The following PRKG1 variants were observed in gnomAD, a reference collection of about 807,000 sequenced individuals.
The protein encoded by PRKG1 is cGMP-dependent protein kinase 1.
A neutral mutation model predicts 88.1 loss-of-function variants in PRKG1; 35 were observed. The ratio of observed to expected loss-of-function variants is 0.40; its 90% CI spans 0.30 to 0.53. The LOEUF is 0.53. PRKG1 is among the 20% of genes least tolerant of loss of function. The pLI is 0.59. For missense variants in PRKG1, 540 were observed against 839.8 expected (o/e 0.64, Z 4.41); for synonymous variants, 303 against 292.5 (o/e 1.04, Z -0.37).
At chr10:51,059,358 G>A (rs1443368817) in intron 1 of PRKG1, among the ~76,000 whole-genome samples, 1 of 151,878 alleles carries the variant, frequency 6.6e-6, no homozygotes, top group Non-Finnish European at 1.5e-5. Flanking sequence ...TAACAGATAA[G>A]TACTGTCTAC....
intron 5 of PRKG1, among the ~76,000 whole-genome samples, chr10:52,029,215 C>T (rs576820989): frequency 6.6e-6 from 1 of 152,186 alleles, no homozygotes; most frequent in Non-Finnish European, 1.5e-5. Flanking sequence ...AAAAGTCATT[C>T]CATTCTTTGA....
chr10:51,356,333 A>G (rs1391123665), intron 2 of PRKG1, among the ~76,000 whole-genome samples: 8 of 151,992 alleles, frequency 5.3e-5, no homozygotes, highest in Admixed American at 5.3e-4. Flanking sequence ...TATGTAGCCC[A>G]TGCTCAGGGA....
chr10:51,705,074 G>A (rs932367864), intron 3 of PRKG1, among the ~76,000 whole-genome samples: 1 of 151,880 alleles, frequency 6.6e-6, no homozygotes, highest in Non-Finnish European at 1.5e-5. Flanking sequence ...TGGCTAAATT[G>A]TACCACTCAC....
At chr10:51,703,839 T>C (rs1841533451) in intron 3 of PRKG1, among the ~76,000 whole-genome samples, 1 of 152,110 alleles carries the variant, frequency 6.6e-6, no homozygotes, top group Non-Finnish European at 1.5e-5. Context: ...CACTACATTA[T>C]AAGATTGCAA....
chr10:51,921,342 G>A (rs1478375993), intron 5 of PRKG1, among the ~76,000 whole-genome samples: 2 of 152,078 alleles, frequency 1.3e-5, no homozygotes, highest in African/African-American at 2.4e-5. Flanking sequence ...ACAATAACAA[G>A]CATGTAATTT....
chr10:51,222,126 C>A (rs1300293407), intron 2 of PRKG1, among the ~76,000 whole-genome samples: 5 of 119,002 alleles, frequency 4.2e-5, no homozygotes, highest in African/African-American at 2.1e-4. Flanking sequence ...ATCCGCGCCC[C>A]CCCCCGACCC....
At chr10:51,576,747 T>C (rs1837898279) in intron 3 of PRKG1, among the ~76,000 whole-genome samples, 1 of 151,788 alleles carries the variant, frequency 6.6e-6, no homozygotes, top group Non-Finnish European at 1.5e-5. Flanking sequence ...TTTTAAACTT[T>C]GCTAACTGTA....
At chr10:51,797,062 A>G (rs112884641) in intron 3 of PRKG1, among the ~76,000 whole-genome samples, 54 of 152,084 alleles carry the variant, frequency 3.6e-4, no homozygotes, top group African/African-American at 1.2e-3. Flanking sequence ...ATGGAGTAAA[A>G]CAAGCTTTTA....
chr10:52,057,897 C>T (rs1046113569), intron 6 of PRKG1, among the ~76,000 whole-genome samples: 1 of 151,168 alleles, frequency 6.6e-6, no homozygotes, highest in South Asian at 2.1e-4. Context: ...TTTTTAATAT[C>T]AAGAACAAGA....
intron 3 of PRKG1, among the ~76,000 whole-genome samples, chr10:51,627,903 C>T (rs1839380877): frequency 7.0e-6 from 1 of 141,998 alleles, no homozygotes; most frequent in Admixed American, 7.0e-5. Flanking sequence ...CCCTTCCTTC[C>T]CTTCCTTCCC....
At chr10:51,475,852 C>G (rs534029892) in intron 3 of PRKG1, among the ~76,000 whole-genome samples, 2 of 152,014 alleles carry the variant, frequency 1.3e-5, no homozygotes, top group East Asian at 1.9e-4. Context: ...AAAAACAGAA[C>G]AAAGAAAAAA....
intron 8 of PRKG1, among the ~76,000 whole-genome samples, chr10:52,156,490 A>T (rs1364702955): frequency 1.3e-5 from 2 of 151,662 alleles, no homozygotes; most frequent in African/African-American, 4.8e-5. Flanking sequence ...CATATGTGTG[A>T]GTTTGGTTGA....
chr10:52,032,231 T>C (rs1393520783), intron 5 of PRKG1, among the ~76,000 whole-genome samples: 5 of 152,080 alleles, frequency 3.3e-5, no homozygotes, highest in Admixed American at 1.3e-4. Flanking sequence ...TAACCTGTTC[T>C]TTTTTTTCTT....
chr10:51,075,303 A>G (rs1320897869), intron 1 of PRKG1, among the ~76,000 whole-genome samples: 2 of 152,134 alleles, frequency 1.3e-5, no homozygotes, highest in African/African-American at 4.8e-5. Context: ...GGCTCATCAG[A>G]CTTGAAATGA....
chr10:51,354,460 T>C (rs936272151), intron 2 of PRKG1, among the ~76,000 whole-genome samples: 1 of 152,114 alleles, frequency 6.6e-6, no homozygotes, highest in Non-Finnish European at 1.5e-5. Flanking sequence ...GGAAAAATTA[T>C]TAAAAAATAA....
chr10:52,040,205 T>C (rs1589548748), intron 5 of PRKG1, among the ~76,000 whole-genome samples: 2 of 152,206 alleles, frequency 1.3e-5, no homozygotes, highest in South Asian at 4.1e-4. Context: ...GCTCCACTAT[T>C]TTTGCTATAG....
chr10:51,031,548 G>T (rs1319105634), intron 1 of PRKG1, among the ~76,000 whole-genome samples: 2 of 152,118 alleles, frequency 1.3e-5, no homozygotes, highest in African/African-American at 4.8e-5. Context: ...TGAGGAAGAA[G>T]GAAACGTATT....
intron 9 of PRKG1, among the ~76,000 whole-genome samples, chr10:52,201,002 T>C (rs369495764): frequency 2.0e-5 from 3 of 152,198 alleles, no homozygotes; most frequent in African/African-American, 7.2e-5. Flanking sequence ...ATTCTGTAGG[T>C]TATCTGTTTA....
intron 1 of PRKG1, among the ~76,000 whole-genome samples, chr10:51,134,833 G>C (rs1175009941): frequency 6.6e-6 from 1 of 151,980 alleles, no homozygotes; most frequent in South Asian, 2.1e-4. Flanking sequence ...TGAAATATTG[G>C]CTCATAAACT....
Sources: gnomAD v4.1 joint callset for allele counts (sites outside exome capture counted in the v4.1 genomes callset) on GRCh38, gnomAD v4.1.1 for gene constraint, MANE v1.5 for transcripts, NCBI Gene and HGNC (gene_info 2026-07-23, HGNC 2026-07-21) for gene names.